OSBPL2: variants seen among roughly 807,000 people sequenced by gnomAD.
OSBPL2 encodes the protein oxysterol binding protein like 2.
OSBPL2 carries 18 observed loss-of-function variants against 58.4 expected under a neutral mutation model. That is an observed-to-expected ratio of 0.31 (90% CI 0.21 to 0.46). The LOEUF (loss-of-function observed/expected upper bound fraction) is 0.46. Among genes scored for constraint, OSBPL2 ranks in the 20% least tolerant of loss-of-function variants. The probability of loss-of-function intolerance (pLI) is 1.00; values close to 1 mark genes in which losing one functional copy is unlikely to be tolerated. For missense variants in OSBPL2, 461 were observed against 616.5 expected (o/e 0.75, Z 2.67); for synonymous variants, 221 against 234.1 (o/e 0.94, Z 0.51).
At chr20:62,282,951 CAT>C (rs540333532) in intron 9 of OSBPL2, among the ~76,000 whole-genome samples, 289 of 152,318 alleles carry the variant, frequency 1.9e-3, no homozygotes, top group Non-Finnish European at 3.5e-3. Context: ...TCCCATAAAA[CAT>C]GTGAGGATCA....
chr20:62,272,541 G>C (rs548621348), intron 5 of OSBPL2, among the ~76,000 whole-genome samples: 4 of 152,196 alleles, frequency 2.6e-5, no homozygotes, highest in Non-Finnish European at 5.9e-5. Context: ...GTGGCGGTGG[G>C]CTCTGCCCTT....
intron 1 of OSBPL2, among the ~76,000 whole-genome samples, chr20:62,246,282 T>C (rs1980111087): frequency 6.6e-6 from 1 of 152,218 alleles, no homozygotes; most frequent in Non-Finnish European, 1.5e-5. Flanking sequence ...GTGAAGTCAA[T>C]TCAGCTGATT....
chr20:62,263,185 G>A (rs1051183596), intron 3 of OSBPL2, among the ~76,000 whole-genome samples: 1 of 152,218 alleles, frequency 6.6e-6, no homozygotes, highest in Non-Finnish European at 1.5e-5. Context: ...AAGCAAGCAC[G>A]TGTTTAAAGG....
chr20:62,249,699 C>G (rs573709635), intron 1 of OSBPL2, among the ~76,000 whole-genome samples: 1 of 152,202 alleles, frequency 6.6e-6, no homozygotes, highest in Admixed American at 6.5e-5. Flanking sequence ...CTCAGCCTCC[C>G]GAGTAGCTGG....
chr20:62,283,911 C>T lies in OSBPL2; in HGVS notation c.873-135C>T, dbSNP rs975281366. The T allele has an allele frequency of 7.2e-5, 61 of 846,444 alleles. No homozygotes were observed. The Middle Eastern group carries it at 1.3e-3, about 18-fold the overall frequency. The allele number at this position is 846,444 out of a possible 1,614,324, so 52.4% of individuals were successfully genotyped here. A position where few individuals can be genotyped will look rare whatever the true frequency, so the allele number is the denominator to read the frequency against. On this transcript the variant is annotated intron_variant, in intron 9 of 13. Coordinates refer to ENST00000313733, the MANE Select transcript of OSBPL2 (RefSeq NM_144498.4). ...GTCCCAGAATGCAAATTTTCACCTT[C>T]GCATTTATGTCCAGAGATGTCCCAA...
At position 62,284,059 on chromosome 20, in the gene OSBPL2, T is replaced by G. The variant is rs564475641; in HGVS notation, c.886T>G (p.Phe296Val). 1.9e-6 allele frequency: 3 copies of G among 1,613,538 alleles called. No individual in the cohort carries two copies. The South Asian group carries it at 3.3e-5, about 18-fold the overall frequency. ...ATTTAATTACAGCAAAAAGAAGCTCTTTATGATCTATGGCAAATGGACGGA... is the reference window on the plus strand; with the variant it reads ...ATTTAATTACAGCAAAAAGAAGCTCGTTATGATCTATGGCAAATGGACGGA... ...HIQDKNKKKL[F>V]MIYGKWTECL... The change falls in exon 10 of 14, where the codon TTT becomes GTT. Residue 296 changes from phenylalanine to valine, a missense_variant. Transcript: ENST00000313733.
intron 6 of OSBPL2, among the ~76,000 whole-genome samples, chr20:62,277,424 C>T (rs1281511559): frequency 6.6e-6 from 1 of 152,246 alleles, no homozygotes; most frequent in Non-Finnish European, 1.5e-5. Flanking sequence ...TGCTGCACAG[C>T]CAGAAGCAAG....
intron 4 of OSBPL2, among the ~76,000 whole-genome samples, chr20:62,267,971 C>G (rs1469823712): frequency 6.6e-6 from 1 of 152,122 alleles, no homozygotes. Context: ...CAACCTCTGC[C>G]TCCTGGGTTC....
At chr20:62,270,128 C>T (rs895314322) in intron 4 of OSBPL2, among the ~76,000 whole-genome samples, 5 of 152,354 alleles carry the variant, frequency 3.3e-5, no homozygotes, top group Non-Finnish European at 5.9e-5. Flanking sequence ...GCCCACCCTC[C>T]GTCCACCCTG....
intron 4 of OSBPL2, 87 bp downstream of exon 4, chr20:62,263,778 G>C: frequency 8.0e-7 from 1 of 1,251,552 alleles, no homozygotes; most frequent in Admixed American, 1.7e-5. Context: ...AAGAAAATGC[G>C]CTCTTGGCCG....
chr20:62,267,806 A>T (rs1175868282), intron 4 of OSBPL2, among the ~76,000 whole-genome samples: 2 of 152,216 alleles, frequency 1.3e-5, no homozygotes, highest in African/African-American at 4.8e-5. Flanking sequence ...GTCTTTGCTG[A>T]GACAGCACAT....
chr20:62,245,995 C>G (rs1217193729), intron 1 of OSBPL2, among the ~76,000 whole-genome samples: 2 of 152,230 alleles, frequency 1.3e-5, no homozygotes, highest in Admixed American at 6.5e-5. Flanking sequence ...CCTGGCCTGG[C>G]GGTGTCCTTG....
intron 2 of OSBPL2, among the ~76,000 whole-genome samples, chr20:62,257,060 C>T (rs542989798): frequency 2.6e-5 from 4 of 152,228 alleles, no homozygotes; most frequent in African/African-American, 4.8e-5. Context: ...GAAATGTGGC[C>T]GCAGGCCAGG....
At chr20:62,256,315 C>A in intron 2 of OSBPL2, 94 bp downstream of exon 2, 1 of 1,113,252 alleles carries the variant, frequency 9.0e-7, no homozygotes, top group Non-Finnish European at 1.3e-6. Context: ...TAAAGATGCT[C>A]AGTAAAGCAG....
intron 3 of OSBPL2, among the ~76,000 whole-genome samples, chr20:62,261,428 T>G (rs1393167098): frequency 6.6e-6 from 1 of 151,876 alleles, no homozygotes; most frequent in Non-Finnish European, 1.5e-5. Context: ...GCCGCTAATG[T>G]GTGTCTCAGC....
At position 62,293,869 on chromosome 20, in the gene OSBPL2, C is replaced by T; in HGVS notation, c.1425C>T (p.Asp475=). ...AGDYFERNFS[D]CPDIY ...ATTACTTTGAGCGGAATTTCTCCGA[C>T]TGCCCAGATATCTACTGAGGGCCTG... is the stretch of plus-strand genomic sequence containing the variant. Residue 475 remains aspartate, a synonymous_variant, in exon 14 of 14, where the codon GAC becomes GAT. Coordinates refer to ENST00000313733, the MANE Select transcript of OSBPL2 (RefSeq NM_144498.4). The T allele has an allele frequency of 1.2e-6, 2 of 1,613,996 alleles. No individual in the cohort carries two copies. Among genetic ancestry groups the T allele is most frequent in the Non-Finnish European group, 1.7e-6 (2 of 1,179,948 alleles).
At chr20:62,292,767 A>G (rs946501296) in intron 13 of OSBPL2, among the ~76,000 whole-genome samples, 7 of 152,124 alleles carry the variant, frequency 4.6e-5, no homozygotes, top group East Asian at 1.9e-4. Context: ...TTTGAAACCA[A>G]TTCTCACTGT....
intron 1 of OSBPL2, among the ~76,000 whole-genome samples, chr20:62,241,033 A>C (rs1471236920): frequency 1.3e-5 from 2 of 152,102 alleles, no homozygotes; most frequent in African/African-American, 4.8e-5. Context: ...CCACGCCTCG[A>C]GTGCGTTGAG....
At chr20:62,243,003 T>G (rs1411426887) in intron 1 of OSBPL2, among the ~76,000 whole-genome samples, 1 of 152,134 alleles carries the variant, frequency 6.6e-6, no homozygotes, top group African/African-American at 2.4e-5. Flanking sequence ...CTAAGGCTGA[T>G]CCAAGGCTGA....
Sources: gnomAD v4.1 joint callset for allele counts (sites outside exome capture counted in the v4.1 genomes callset) on GRCh38, gnomAD v4.1.1 for gene constraint, MANE v1.5 for transcripts, NCBI Gene and HGNC (gene_info 2026-07-23, HGNC 2026-07-21) for gene names.